The following FOXP1 variants were observed in gnomAD, a reference collection of about 807,000 sequenced individuals.
The protein encoded by FOXP1 is forkhead box protein P1.
Under a neutral mutation model 98.2 loss-of-function variants are expected in FOXP1, and 15 were observed. That is an observed-to-expected ratio of 0.15 (90% confidence interval 0.10 to 0.24). FOXP1 has a LOEUF of 0.24. Ranked by LOEUF, FOXP1 falls within the 10% of genes least tolerant of loss-of-function variation. The pLI, the probability that FOXP1 is intolerant of heterozygous loss-of-function variation, is 1.00. For synonymous variants in FOXP1, 371 were observed against 314.5 expected (o/e 1.18, Z -1.90); for missense variants, 633 against 848.5 (o/e 0.75, Z 3.15).
chr3:71,488,128 T>C (rs992978993), intron 3 of FOXP1, among the ~76,000 whole-genome samples: 6 of 152,056 alleles, frequency 3.9e-5, no homozygotes, highest in Admixed American at 6.6e-5. Context: ...ATATATGAAG[T>C]AACATGTTTA....
intron 20 of FOXP1, among the ~76,000 whole-genome samples, chr3:70,965,465 C>A (rs530572642): frequency 6.6e-6 from 1 of 152,182 alleles, no homozygotes; most frequent in African/African-American, 2.4e-5. Context: ...AATGCTGCGG[C>A]GGCGTGTTCG....
intron 5 of FOXP1, among the ~76,000 whole-genome samples, chr3:71,271,058 C>T (rs2070301368): frequency 6.6e-6 from 1 of 152,162 alleles, no homozygotes. Context: ...TGGTGAAACC[C>T]CGACTCTGCT....
intron 2 of FOXP1, among the ~76,000 whole-genome samples, chr3:71,496,857 C>A (rs901022875): frequency 1.3e-5 from 2 of 151,736 alleles, no homozygotes; most frequent in African/African-American, 4.8e-5. Flanking sequence ...AAAAACAATG[C>A]TCTATGTGTA....
intron 7 of FOXP1, among the ~76,000 whole-genome samples, chr3:71,087,711 T>C (rs1204318568): frequency 6.6e-6 from 1 of 152,208 alleles, no homozygotes; most frequent in African/African-American, 2.4e-5. Flanking sequence ...TTGACCTTTA[T>C]TTTTTCTTTT....
chr3:71,319,403 GCTA>G (rs1229736415), intron 4 of FOXP1, among the ~76,000 whole-genome samples: 1 of 152,030 alleles, frequency 6.6e-6, no homozygotes, highest in Admixed American at 6.5e-5. Flanking sequence ...CCTCTAAGTT[GCTA>G]CTAACTACTA....
At chr3:71,043,576 T>C (rs141406574) in intron 10 of FOXP1, among the ~76,000 whole-genome samples, 28 of 152,324 alleles carry the variant, frequency 1.8e-4, no homozygotes, top group Non-Finnish European at 2.9e-4. Flanking sequence ...GGCTTGTCTG[T>C]TGATGATGGC....
rs747818299 is a variant in FOXP1, at chr3:70,958,196, CAAAAA to C, written c.*1046_*1050del. ...TGGTGGCATTTATTAATGGTTGCTG[CAAAAA>C]AAAAAAAAGAAAAGAAAAGAAAAAA... On this transcript the variant is annotated 3_prime_UTR_variant, in exon 21 of 21. Transcript: ENST00000649528. The C allele has an allele frequency of 9.5e-6, 3 of 316,544 alleles. No homozygotes were observed. The highest frequency in any genetic ancestry group is 9.2e-5 in the South Asian group (3 of 32,750). 19.6% of individuals were successfully genotyped at this position (316,544 alleles called of 1,614,324 possible). A position where few individuals can be genotyped will look rare whatever the true frequency, so the allele number is the denominator to read the frequency against.
rs878877614 is a variant in FOXP1 at position 70,955,525 on chromosome 3, A to G, written c.*3722T>C. On this transcript the variant is annotated 3_prime_UTR_variant, in exon 21 of 21. Transcript: ENST00000649528. ...TCCCTAATGTATGCTTTTCTTTGAG[A>G]AAAAAAAAGTAACAGATTTTCTTTA... 4.8e-5 allele frequency: 11 copies of G among 230,742 alleles called. No homozygotes were observed. The South Asian group carries it at 1.3e-3, about 27-fold the overall frequency. 14.3% of individuals were successfully genotyped at this position (230,742 alleles called of 1,614,324 possible).
intron 2 of FOXP1, among the ~76,000 whole-genome samples, chr3:71,566,796 C>T (rs2046947813): frequency 6.6e-6 from 1 of 152,156 alleles, no homozygotes; most frequent in Non-Finnish European, 1.5e-5. Context: ...CCAGTGCCCA[C>T]CTGCTCTGCT....
intron 7 of FOXP1, 131 bp from the exon 8 acceptor site, chr3:71,053,904 G>C (rs1362300258): frequency 9.8e-6 from 9 of 917,130 alleles, no homozygotes; most frequent in Admixed American, 2.0e-5. Context: ...TATTTATCCA[G>C]AGGGGATGCA....
At chr3:71,389,266 G>GGGGT (rs1158481882) in intron 3 of FOXP1, among the ~76,000 whole-genome samples, 1 of 93,620 alleles carries the variant, frequency 1.1e-5, no homozygotes, top group Non-Finnish European at 2.2e-5. Flanking sequence ...GGGGGGGCGG[G>GGGGT]TTATAAATTT....
At chr3:71,345,245 G>A (rs920331306) in intron 4 of FOXP1, among the ~76,000 whole-genome samples, 8 of 151,882 alleles carry the variant, frequency 5.3e-5, no homozygotes, top group Non-Finnish European at 1.2e-4. Flanking sequence ...AAAATTCGCT[G>A]GGTGTGGTGG....
chr3:71,474,334 G>A (rs1334222713), intron 3 of FOXP1, among the ~76,000 whole-genome samples: 2 of 152,138 alleles, frequency 1.3e-5, no homozygotes, highest in African/African-American at 4.8e-5. Context: ...GAACAAGAAG[G>A]TTTTTGAAGA....
intron 4 of FOXP1, among the ~76,000 whole-genome samples, chr3:71,343,245 C>T (rs2077117721): frequency 6.6e-6 from 1 of 152,164 alleles, no homozygotes; most frequent in African/African-American, 2.4e-5. Context: ...AGAAAAACAA[C>T]AGAATGTAGC....
chr3:70,964,705 T>C (rs1163585765), intron 20 of FOXP1, among the ~76,000 whole-genome samples: 1 of 152,180 alleles, frequency 6.6e-6, no homozygotes, highest in Admixed American at 6.5e-5. Flanking sequence ...TAAAATGCTG[T>C]GAAGCAAATG....
At chr3:71,071,360 G>A (rs181336380) in intron 7 of FOXP1, among the ~76,000 whole-genome samples, 36 of 152,272 alleles carry the variant, frequency 2.4e-4, no homozygotes, top group Admixed American at 5.2e-4. Flanking sequence ...CTCATCTACA[G>A]GCCGCTGAAG....
chr3:71,384,226 A>G (rs2080397252), intron 3 of FOXP1, among the ~76,000 whole-genome samples: 2 of 151,958 alleles, frequency 1.3e-5, no homozygotes, highest in Non-Finnish European at 2.9e-5. Flanking sequence ...CAAAACAAAC[A>G]AACAAACAAA....
intron 10 of FOXP1, 87 bp from the exon 11 acceptor site, chr3:71,041,619 A>G (rs2048348427): frequency 6.0e-6 from 8 of 1,340,380 alleles, no homozygotes; most frequent in Non-Finnish European, 1.1e-6. Flanking sequence ...GTCAGTAAAC[A>G]AAGCCTAGTG....
intron 5 of FOXP1, among the ~76,000 whole-genome samples, chr3:71,286,552 G>GACATTAAT (rs1415824366): frequency 6.6e-6 from 1 of 152,076 alleles, no homozygotes; most frequent in African/African-American, 2.4e-5. Flanking sequence ...GGCATGTGCT[G>GACATTAAT]GGACAAGAGA....
Sources: gnomAD v4.1 joint callset for allele counts (sites outside exome capture counted in the v4.1 genomes callset) on GRCh38, gnomAD v4.1.1 for gene constraint, MANE v1.5 for transcripts, NCBI Gene and HGNC (gene_info 2026-07-23, HGNC 2026-07-21) for gene names.